The following PRKG1 variants were observed in gnomAD, a reference collection of about 807,000 sequenced individuals.
PRKG1 encodes the protein cGMP-dependent protein kinase 1.
A neutral mutation model predicts 88.1 loss-of-function variants in PRKG1; 35 were observed. The observed-to-expected ratio is 0.40, with a 90% CI of 0.30 to 0.53. PRKG1 has a LOEUF of 0.53. PRKG1 is among the 20% of genes least tolerant of loss of function. The pLI, the probability that PRKG1 is intolerant of heterozygous loss-of-function variation, is 0.59. For synonymous variants in PRKG1, 303 were observed against 292.5 expected (o/e 1.04, Z -0.37); for missense variants, 540 against 839.8 (o/e 0.64, Z 4.41).
intron 2 of PRKG1, among the ~76,000 whole-genome samples, chr10:51,283,299 G>A (rs1468655911): frequency 6.6e-6 from 1 of 151,944 alleles, no homozygotes; most frequent in East Asian, 1.9e-4. Context: ...ATGAAAAAAA[G>A]CCTACTAGTT....
chr10:51,963,632 G>A (rs1245387727), intron 5 of PRKG1, among the ~76,000 whole-genome samples: 1 of 151,830 alleles, frequency 6.6e-6, no homozygotes, highest in African/African-American at 2.4e-5. Context: ...ATTTTTAGTA[G>A]AGATGGGGTT....
At chr10:51,714,041 A>G (rs924131145) in intron 3 of PRKG1, among the ~76,000 whole-genome samples, 25 of 152,132 alleles carry the variant, frequency 1.6e-4, no homozygotes, top group African/African-American at 4.6e-4. Context: ...GTGCAGTGGC[A>G]TGATCTCGGC....
chr10:51,241,968 C>T (rs1363277962), intron 2 of PRKG1, among the ~76,000 whole-genome samples: 1 of 149,878 alleles, frequency 6.7e-6, no homozygotes, highest in Non-Finnish European at 1.5e-5. Context: ...GCCCTCTATG[C>T]TGGAACAATA....
chr10:51,241,035 A>T (rs755354392), intron 2 of PRKG1, among the ~76,000 whole-genome samples: 1 of 152,102 alleles, frequency 6.6e-6, no homozygotes, highest in African/African-American at 2.4e-5. Flanking sequence ...GGTGCTTACT[A>T]TGTGTTTATT....
chr10:51,350,628 A>C lies in PRKG1; in HGVS notation c.479-117095A>C, dbSNP rs545059739. On this transcript the variant is annotated intron_variant, in intron 2 of 17. Coordinates refer to ENST00000373980, the MANE Select transcript of PRKG1 (RefSeq NM_006258.4). ...AGAGCATCTAAATCGGAAAGGAAGA[A>C]GTCAAATTATCCTTGTTTGCAGATG... 1.9e-3 allele frequency among the ~76,000 whole-genome samples: 293 copies of C among 152,306 alleles called. 1 individual carries two copies. The highest frequency in any genetic ancestry group is 2.8e-3 in the Non-Finnish European group (192 of 68,022).
chr10:52,072,158 CTTTTTTTTT>C (rs60576406), intron 7 of PRKG1, among the ~76,000 whole-genome samples: 943 of 39,612 alleles, frequency 0.024, 31 homozygotes, highest in African/African-American at 0.097. Flanking sequence ...TATTGTTTTG[CTTTTTTTTT>C]TTTTTTTTTT....
chr10:52,146,820 T>A (rs890712131), intron 8 of PRKG1, among the ~76,000 whole-genome samples: 2 of 152,194 alleles, frequency 1.3e-5, no homozygotes, highest in Admixed American at 6.6e-5. Context: ...TCAAAGGATA[T>A]GTATTTTTTA....
chr10:51,107,891 A>G (rs181030044), intron 1 of PRKG1, among the ~76,000 whole-genome samples: 29 of 151,838 alleles, frequency 1.9e-4, no homozygotes, highest in Admixed American at 3.3e-4. Context: ...ACACAATATC[A>G]ATGTCAGAAA....
chr10:51,837,638 G>A (rs1184504625), intron 4 of PRKG1, among the ~76,000 whole-genome samples: 1 of 152,026 alleles, frequency 6.6e-6, no homozygotes, highest in Admixed American at 6.6e-5. Flanking sequence ...AGGGTAGGGG[G>A]CTCTCCTTCA....
intron 4 of PRKG1, among the ~76,000 whole-genome samples, chr10:51,886,893 C>T (rs1482945403): frequency 6.6e-6 from 1 of 152,192 alleles, no homozygotes; most frequent in Non-Finnish European, 1.5e-5. Context: ...TATCTGCAAG[C>T]TCACATCTCT....
rs1842425056 is a variant in PRKG1 at position 52,298,323 on chromosome 10, T to C, written c.*4423T>C. On this transcript the variant is annotated 3_prime_UTR_variant, in exon 18 of 18. Coordinates refer to ENST00000373980, the MANE Select transcript of PRKG1 (RefSeq NM_006258.4). The stretch of plus-strand genomic sequence containing the variant: ...AGTGCCTGTTGTATACTTTATAGAG[T>C]TGAAATAAAAAAATAATTACTTTTG... 1 of 150,842 alleles carries C rather than the reference T, an allele frequency of 6.6e-6. No individual in the cohort carries two copies. The highest frequency in any genetic ancestry group is 2.4e-5 in the African/African-American group (1 of 40,936). 9.3% of individuals were successfully genotyped at this position (150,842 alleles called of 1,614,324 possible).
chr10:51,199,928 C>A (rs558938245), intron 2 of PRKG1, among the ~76,000 whole-genome samples: 1 of 152,152 alleles, frequency 6.6e-6, no homozygotes, highest in Non-Finnish European at 1.5e-5. Flanking sequence ...CTCAAGTGAC[C>A]CTAATGCAAG....
chr10:51,254,525 T>C (rs182627135), intron 2 of PRKG1, among the ~76,000 whole-genome samples: 2 of 152,064 alleles, frequency 1.3e-5, no homozygotes, highest in African/African-American at 4.8e-5. Context: ...AATTTTGTAA[T>C]CACAGACTAG....
intron 5 of PRKG1, among the ~76,000 whole-genome samples, chr10:51,939,556 T>G (rs1452814699): frequency 6.6e-6 from 1 of 151,834 alleles, no homozygotes; most frequent in Non-Finnish European, 1.5e-5. Context: ...GATCTCATTG[T>G]CAACTCTCTT....
At chr10:51,492,894 G>GA (rs1300240219) in intron 3 of PRKG1, among the ~76,000 whole-genome samples, 1 of 152,012 alleles carries the variant, frequency 6.6e-6, no homozygotes, top group Non-Finnish European at 1.5e-5. Context: ...ACATCAAGTA[G>GA]AAAAAAGATT....
intron 3 of PRKG1, among the ~76,000 whole-genome samples, chr10:51,542,178 A>T (rs1185624930): frequency 6.6e-6 from 1 of 152,050 alleles, no homozygotes; most frequent in Non-Finnish European, 1.5e-5. Context: ...CCATTATATG[A>T]ATTACCCCAA....
At chr10:52,020,625 T>C (rs1247438323) in intron 5 of PRKG1, among the ~76,000 whole-genome samples, 1 of 152,146 alleles carries the variant, frequency 6.6e-6, no homozygotes, top group Non-Finnish European at 1.5e-5. Context: ...TAGGACTTTA[T>C]GGGCTGGCCC....
At chr10:51,897,132 A>G (rs1161356815) in intron 4 of PRKG1, among the ~76,000 whole-genome samples, 1 of 152,228 alleles carries the variant, frequency 6.6e-6, no homozygotes, top group East Asian at 1.9e-4. Context: ...TTAAGGGAGA[A>G]AAGTATACTT....
At chr10:51,310,827 A>G (rs753619568) in intron 2 of PRKG1, among the ~76,000 whole-genome samples, 16 of 152,190 alleles carry the variant, frequency 1.1e-4, no homozygotes, top group Non-Finnish European at 1.8e-4. Flanking sequence ...GCAGTTCTTA[A>G]TATTAAAAGG....
Sources: allele counts gnomAD v4.1 joint callset (sites outside exome capture counted in the v4.1 genomes callset), GRCh38; gene constraint gnomAD v4.1.1; transcripts MANE v1.5; gene names NCBI Gene and HGNC (gene_info 2026-07-23, HGNC 2026-07-21).